SASH1: variants seen among roughly 807,000 people sequenced by gnomAD.
SASH1 encodes the protein SAM and SH3 domain containing 1.
SASH1 carries 44 observed loss-of-function variants against 125.2 expected under a neutral mutation model. That is an observed-to-expected ratio of 0.35 (90% CI 0.28 to 0.45). The LOEUF (loss-of-function observed/expected upper bound fraction) is 0.45. SASH1 is among the 20% of genes least tolerant of loss of function. The pLI, the probability that SASH1 is intolerant of heterozygous loss-of-function variation, is 1.00. For missense variants in SASH1, 1,426 were observed against 1,614.5 expected, an observed-to-expected ratio of 0.88 and a Z score of 2.00; for synonymous variants, 639 against 649.1, an observed-to-expected ratio of 0.98 and a Z score of 0.24.
chr6:148,290,874 T>A (rs1316093711), intron 1 of SASH1, among the ~76,000 whole-genome samples: 4 of 109,126 alleles, frequency 3.7e-5, no homozygotes, highest in South Asian at 3.3e-4. Flanking sequence ...CAATAAATAC[T>A]AAAAAAAAGT....
chr6:148,275,742 C>T (rs900880772), intron 1 of SASH1, among the ~76,000 whole-genome samples: 24 of 152,146 alleles, frequency 1.6e-4, no homozygotes, highest in African/African-American at 5.1e-4. Context: ...TATTTTGGGG[C>T]GTGTGGTCTC....
chr6:148,521,474 G>A (rs1252826029), intron 10 of SASH1, among the ~76,000 whole-genome samples: 1 of 152,216 alleles, frequency 6.6e-6, no homozygotes, highest in Non-Finnish European at 1.5e-5. Flanking sequence ...GACCTTCTCT[G>A]TTGTAAAAGA....
chr6:148,390,610 C>A lies in SASH1; in HGVS notation c.285+348C>A, dbSNP rs549541661. On this transcript the variant is annotated intron_variant, in intron 2 of 19. Transcript: ENST00000367467. The stretch of plus-strand genomic sequence containing the variant: ...GACCATCCTCGCTAACACGGTGAAA[C>A]CCCGTCTCTACTAAAAATAGAAAAA... Among the ~76,000 whole-genome samples, 4 of 152,176 alleles carry A rather than the reference C, an allele frequency of 2.6e-5. No homozygotes were observed. The East Asian group carries it at 7.7e-4, about 29-fold the overall frequency.
chr6:148,335,280 A>T (rs1781120225), intron 1 of SASH1, among the ~76,000 whole-genome samples: 1 of 151,446 alleles, frequency 6.6e-6, no homozygotes. Flanking sequence ...CTTGGGCAAC[A>T]GAGCCAGACT....
At chr6:148,199,067 A>T in the SASH1 span, among the ~76,000 whole-genome samples, 95 of 152,298 alleles carry the variant, frequency 6.2e-4, no homozygotes, top group Non-Finnish European at 2.1e-4. Flanking sequence ...CAAGAGGCTG[A>T]TATCAGTACG....
chr6:148,435,439 TCTAATAAA>T (rs1308611452), intron 2 of SASH1, among the ~76,000 whole-genome samples: 4 of 152,008 alleles, frequency 2.6e-5, no homozygotes, highest in East Asian at 3.9e-4. Flanking sequence ...TGAATACTTT[TCTAATAAA>T]CTCTAAAGTT....
intron 2 of SASH1, among the ~76,000 whole-genome samples, chr6:148,390,644 C>T (rs1337947088): frequency 6.6e-6 from 1 of 151,910 alleles, no homozygotes; most frequent in African/African-American, 2.4e-5. Context: ...AAAAATTAGC[C>T]GGGCGTGGTG....
In SASH1 at chr6:148,487,686, C is replaced by T. The variant is rs772523657; in HGVS notation, c.700C>T (p.Pro234Ser). Residue 234 changes from proline (P) to serine (S), a missense_variant, in exon 8 of 20, where the codon CCA (proline) becomes TCA (serine). By Grantham distance (74) the Pro-to-Ser change is moderately conservative. Transcript: ENST00000367467. ...DPADWPDGSY[P>S]TFDGSSNCNS... is the part of the protein sequence containing the mutation. ...TGCTGACTGGCCAGATGGTTCTTAC[C>T]CAACGTTTGATGGCTCATCAAACTG... The T allele has an allele frequency of 6.2e-7, 1 of 1,613,318 alleles. No individual in the cohort carries two copies. The highest frequency in any genetic ancestry group is 1.3e-5 in the African/African-American group (1 of 74,884).
chr6:148,333,711 G>A (rs1364749655), intron 1 of SASH1, among the ~76,000 whole-genome samples: 6 of 151,590 alleles, frequency 4.0e-5, no homozygotes, highest in Non-Finnish European at 7.4e-5. Flanking sequence ...ACAGGCATGC[G>A]CCACCACACC....
At chr6:148,527,662 T>A in intron 12 of SASH1, 66 bp downstream of exon 12, 1 of 1,494,100 alleles carries the variant, frequency 6.7e-7, no homozygotes, top group Non-Finnish European at 9.1e-7. Flanking sequence ...GAATGGCCCT[T>A]CTGAGATTTT....
the SASH1 span, among the ~76,000 whole-genome samples, chr6:148,199,243 A>G: frequency 6.6e-6 from 1 of 152,084 alleles, no homozygotes; most frequent in African/African-American, 2.4e-5. Context: ...TTAACTGAGT[A>G]TGGTGGTGGG....
intron 8 of SASH1, 54 bp from the exon 9 acceptor site, chr6:148,514,270 G>A: frequency 1.3e-6 from 2 of 1,570,406 alleles, no homozygotes; most frequent in South Asian, 1.2e-5. Flanking sequence ...CCAGCCACAC[G>A]GGCAAAGCTC....
At chr6:148,501,728 AC>A (rs1562462257) in intron 8 of SASH1, among the ~76,000 whole-genome samples, 1 of 152,092 alleles carries the variant, frequency 6.6e-6, no homozygotes, top group Non-Finnish European at 1.5e-5. Flanking sequence ...GCCTCTACTT[AC>A]CACTCTCTCC....
In SASH1 at chr6:148,272,535, C is replaced by T. The variant is rs578099633; in HGVS notation, n.74+158C>T. ...GCTACTGATGAATTCATCAAAATTCCGAGGGCGCTAGGCAGTGACTGCTTC... is the reference window on the plus strand; with the variant it reads ...GCTACTGATGAATTCATCAAAATTCTGAGGGCGCTAGGCAGTGACTGCTTC... On this transcript the variant is annotated intron_variant and non_coding_transcript_variant, in intron 1 of 3. Coordinates refer to the SASH1 transcript ENST00000367469. Among the ~76,000 whole-genome samples the T allele has an allele frequency of 1.1e-4, 16 of 152,150 alleles. No homozygotes were observed. The East Asian group carries it at 1.7e-3, about 17-fold the overall frequency.
chr6:148,325,261 T>TTTGTTGTTGTTGTTGTTGTTGTTG (rs1554235037), intron 1 of SASH1, among the ~76,000 whole-genome samples: 12 of 149,994 alleles, frequency 8.0e-5, no homozygotes, highest in African/African-American at 2.0e-4. Flanking sequence ...AAAAGCCTCT[T>TTTGTTGTTGTTGTTGTTGTTGTTG]TTGTTGTTGT....
the SASH1 span, among the ~76,000 whole-genome samples, chr6:148,214,558 C>G: frequency 6.6e-6 from 1 of 152,230 alleles, no homozygotes; most frequent in Admixed American, 6.5e-5. Flanking sequence ...GTGTCTAGTT[C>G]AATATGTGTT....
chr6:148,490,337 T>C (rs1434853139), intron 8 of SASH1, among the ~76,000 whole-genome samples: 2 of 151,972 alleles, frequency 1.3e-5, no homozygotes, highest in Non-Finnish European at 2.9e-5. Context: ...GCCTCCCGAG[T>C]AGTTAGGACT....
At chr6:148,511,484 GGT>G (rs1295633154) in intron 8 of SASH1, among the ~76,000 whole-genome samples, 1 of 152,050 alleles carries the variant, frequency 6.6e-6, no homozygotes, top group African/African-American at 2.4e-5. Context: ...TGGTTGCCAT[GGT>G]TTGTGATTTG....
chr6:148,471,575 TC>T (rs1483166242), intron 6 of SASH1, 72 bp downstream of exon 6: 9 of 891,710 alleles, frequency 1.0e-5, no homozygotes, highest in Non-Finnish European at 1.7e-5. Flanking sequence ...GCGGCTAATC[TC>T]AGTGGATGCT....
Sources: gnomAD v4.1 joint callset for allele counts (sites outside exome capture counted in the v4.1 genomes callset) on GRCh38, gnomAD v4.1.1 for gene constraint, MANE v1.5 for transcripts, NCBI Gene and HGNC (gene_info 2026-07-23, HGNC 2026-07-21) for gene names.